The following SMIM45 variants were observed in gnomAD, a reference collection of about 807,000 sequenced individuals.
The protein encoded by SMIM45 is long intergenic non-protein coding RNA 634.
chr22:41,955,027 G>A, the SMIM45 span, among the ~76,000 whole-genome samples: 1 of 147,402 alleles, frequency 6.8e-6, no homozygotes, highest in Non-Finnish European at 1.5e-5. Flanking sequence ...ATAAAAAAGA[G>A]TCTGGGTGTA....
the SMIM45 span, among the ~76,000 whole-genome samples, chr22:41,956,178 T>TTTTTGAG: frequency 2.6e-5 from 4 of 152,124 alleles, no homozygotes; most frequent in South Asian, 8.3e-4. Flanking sequence ...CCCAGCTAAT[T>TTTTTGAG]TTTTGAGTTT....
the SMIM45 span, among the ~76,000 whole-genome samples, chr22:41,947,516 C>T: frequency 6.6e-6 from 1 of 152,052 alleles, no homozygotes; most frequent in African/African-American, 2.4e-5. Flanking sequence ...TACGGGCGCG[C>T]GTCACCACGC....
At chr22:41,951,801 T>G in the SMIM45 span, among the ~76,000 whole-genome samples, 2 of 152,176 alleles carry the variant, frequency 1.3e-5, no homozygotes, top group East Asian at 3.8e-4. Context: ...CCCCTTGAGC[T>G]CTACTGGTCA....
chr22:41,955,305 G>A, the SMIM45 span, among the ~76,000 whole-genome samples: 34,837 of 151,498 alleles, frequency 0.23, 4,280 homozygotes, highest in African/African-American at 0.3. Flanking sequence ...TCAGCCTGCC[G>A]AGTAGTTGGG....
At chr22:41,953,553 G>A in the SMIM45 span, among the ~76,000 whole-genome samples, 1 of 152,170 alleles carries the variant, frequency 6.6e-6, no homozygotes, top group Non-Finnish European at 1.5e-5. Flanking sequence ...AATGTGGATA[G>A]TGACACTTGC....
chr22:41,954,526 A>G, the SMIM45 span, among the ~76,000 whole-genome samples: 1 of 152,144 alleles, frequency 6.6e-6, no homozygotes, highest in East Asian at 1.9e-4. Flanking sequence ...CTTTTGAAGT[A>G]TGAGTAGGAA....
the SMIM45 span, among the ~76,000 whole-genome samples, chr22:41,949,721 G>A: frequency 1.3e-5 from 2 of 152,230 alleles, no homozygotes; most frequent in Non-Finnish European, 2.9e-5. Flanking sequence ...CTTGTAACAA[G>A]AGACAAGGCA....
At chr22:41,956,353 C>T in the SMIM45 span, among the ~76,000 whole-genome samples, 4 of 152,222 alleles carry the variant, frequency 2.6e-5, no homozygotes, top group Non-Finnish European at 4.4e-5. Flanking sequence ...GTCTGAATAT[C>T]TTGCCCAAGT....
At chr22:41,949,478 C>T in the SMIM45 span, among the ~76,000 whole-genome samples, 21 of 152,184 alleles carry the variant, frequency 1.4e-4, no homozygotes, top group Non-Finnish European at 5.9e-5. Flanking sequence ...GCAAGGAGGC[C>T]AGTGGCTGTG....
At chr22:41,950,710 A>C in the SMIM45 span, among the ~76,000 whole-genome samples, 8 of 147,216 alleles carry the variant, frequency 5.4e-5, no homozygotes, top group African/African-American at 2.0e-4. Flanking sequence ...AAAACAAAGC[A>C]AAAGGCCAGG....
At chr22:41,948,910 A>G in the SMIM45 span, among the ~76,000 whole-genome samples, 211 of 152,292 alleles carry the variant, frequency 1.4e-3, 5 homozygotes, top group South Asian at 0.043. Flanking sequence ...TACTAAAAAT[A>G]CAAAATTAGC....
the SMIM45 span, among the ~76,000 whole-genome samples, chr22:41,951,868 A>G: frequency 1.3e-5 from 2 of 151,988 alleles, no homozygotes; most frequent in African/African-American, 4.8e-5. Context: ...TGCTCCCCAA[A>G]TGGCAGACCA....
At chr22:41,947,943 G>C in the SMIM45 span, among the ~76,000 whole-genome samples, 1 of 152,146 alleles carries the variant, frequency 6.6e-6, no homozygotes, top group Admixed American at 6.6e-5. Context: ...CCAATTGACT[G>C]CTTTTACAGT....
the SMIM45 span, among the ~76,000 whole-genome samples, chr22:41,950,550 C>A: frequency 6.6e-6 from 1 of 152,008 alleles, no homozygotes; most frequent in African/African-American, 2.4e-5. Context: ...GTACAAAAAT[C>A]AGCTGGGCAT....
the SMIM45 span, among the ~76,000 whole-genome samples, chr22:41,950,931 G>T: frequency 6.6e-6 from 1 of 152,216 alleles, no homozygotes; most frequent in Non-Finnish European, 1.5e-5. Flanking sequence ...GGTAGAGGTT[G>T]CAGTGAGCCG....
the SMIM45 span, chr22:41,958,641 G>T: frequency 3.5e-6 from 1 of 281,906 alleles, no homozygotes; most frequent in Non-Finnish European, 7.1e-6. Context: ...TCCATAGTGG[G>T]TCCCAACCCC....
chr22:41,950,390 C>G, the SMIM45 span, among the ~76,000 whole-genome samples: 1 of 152,182 alleles, frequency 6.6e-6, no homozygotes, highest in Non-Finnish European at 1.5e-5. Flanking sequence ...CCTCTGCTCT[C>G]CCACCCCAAA....
the SMIM45 span, among the ~76,000 whole-genome samples, chr22:41,948,231 C>T: frequency 2.6e-5 from 4 of 152,152 alleles, no homozygotes; most frequent in Admixed American, 2.0e-4. Context: ...CCTGGTACAT[C>T]GTAGTTAATA....
chr22:41,950,821 G>A, the SMIM45 span, among the ~76,000 whole-genome samples: 310 of 152,204 alleles, frequency 2.0e-3, 1 homozygote, highest in Non-Finnish European at 3.3e-3. Context: ...TCGTAAACCC[G>A]CCTCTACTAA....
Sources: allele counts gnomAD v4.1 joint callset (sites outside exome capture counted in the v4.1 genomes callset), GRCh38; gene constraint gnomAD v4.1.1; transcripts MANE v1.5; gene names NCBI Gene and HGNC (gene_info 2026-07-23, HGNC 2026-07-21).